WDPCP: variants seen among roughly 807,000 people sequenced by gnomAD.
WDPCP encodes WD repeat-containing and planar cell polarity effector protein fritz homolog.
Under a neutral mutation model 93.1 loss-of-function variants are expected in WDPCP, and 71 were observed. The observed-to-expected ratio is 0.76, with a 90% CI of 0.63 to 0.93. The LOEUF (loss-of-function observed/expected upper bound fraction) is 0.93, where lower values mean the gene tolerates loss of function less well. WDPCP is among the 40% of genes least tolerant of loss of function. The pLI, the probability that WDPCP is intolerant of heterozygous loss-of-function variation, is 0.00. For missense variants in WDPCP, 844 were observed against 887.4 expected (o/e 0.95, Z 0.62); for synonymous variants, 315 against 315.0 (o/e 1.00, Z 0.00).
At chr2:63,230,517 C>T (rs1275747782) in intron 14 of WDPCP, among the ~76,000 whole-genome samples, 3 of 152,160 alleles carry the variant, frequency 2.0e-5, no homozygotes, top group African/African-American at 7.2e-5. Context: ...GCCACACTGT[C>T]TTCCACAATG....
chr2:63,365,465 AAAGTT>A (rs1010066880), intron 12 of WDPCP, among the ~76,000 whole-genome samples: 51 of 152,324 alleles, frequency 3.3e-4, no homozygotes, highest in African/African-American at 1.1e-3. Flanking sequence ...TTTCCATGAC[AAAGTT>A]AAGAAAAGTG....
rs537972822 is a variant in WDPCP at position 63,588,325 on chromosome 2, A to G, written c.-54T>C. The G allele has an allele frequency of 9.1e-6, 14 of 1,546,452 alleles. No homozygotes were observed. The Admixed American group carries it at 1.9e-4, about 21-fold the overall frequency. On this transcript the variant is annotated 5_prime_UTR_variant, in exon 1 of 18. Coordinates refer to ENST00000272321, the MANE Select transcript of WDPCP (RefSeq NM_015910.7). ...CCTAGGCTAGGTCCTCGGACCCGAGAGGGAGCGACACGCTCGCTTGGTCTC... is the reference window on the plus strand; with the variant it reads ...CCTAGGCTAGGTCCTCGGACCCGAGGGGGAGCGACACGCTCGCTTGGTCTC...
intron 2 of WDPCP, among the ~76,000 whole-genome samples, chr2:63,655,290 C>A (rs1316414143): frequency 6.6e-6 from 1 of 152,062 alleles, no homozygotes; most frequent in Non-Finnish European, 1.5e-5. Context: ...TTCGTATTAC[C>A]CCCTTCCCTT....
At chr2:63,222,425 C>T (rs1265830793) in intron 14 of WDPCP, among the ~76,000 whole-genome samples, 1 of 152,158 alleles carries the variant, frequency 6.6e-6, no homozygotes, top group Non-Finnish European at 1.5e-5. Flanking sequence ...AATGTGGGAG[C>T]AAGGGCCTCT....
chr2:63,815,401 T>C (rs1232523544), intron 1 of WDPCP, among the ~76,000 whole-genome samples: 1 of 152,242 alleles, frequency 6.6e-6, no homozygotes, highest in African/African-American at 2.4e-5. Flanking sequence ...GCTGGAATTG[T>C]TCTACATTAG....
intron 1 of WDPCP, among the ~76,000 whole-genome samples, chr2:63,557,116 A>G (rs1167276307): frequency 1.3e-5 from 2 of 152,212 alleles, no homozygotes; most frequent in Non-Finnish European, 2.9e-5. Flanking sequence ...ACATGTCTGC[A>G]AAATAACTAG....
chr2:63,309,640 A>G (rs1686027017), intron 13 of WDPCP, among the ~76,000 whole-genome samples: 1 of 152,208 alleles, frequency 6.6e-6, no homozygotes, highest in African/African-American at 2.4e-5. Flanking sequence ...GTACAAATAC[A>G]AAATATTCTT....
At chr2:63,578,999 T>G (rs1708303122) in intron 1 of WDPCP, among the ~76,000 whole-genome samples, 2 of 152,184 alleles carry the variant, frequency 1.3e-5, no homozygotes, top group African/African-American at 4.8e-5. Context: ...TCTCTTATTA[T>G]CATGCATATC....
intron 14 of WDPCP, among the ~76,000 whole-genome samples, chr2:63,238,706 A>C (rs1456072457): frequency 6.6e-6 from 1 of 152,184 alleles, no homozygotes. Flanking sequence ...TTCTAGTCCA[A>C]ACCTAGGAAG....
chr2:63,576,877 A>G (rs1174398229), intron 1 of WDPCP, among the ~76,000 whole-genome samples: 1 of 152,246 alleles, frequency 6.6e-6, no homozygotes, highest in Non-Finnish European at 1.5e-5. Context: ...CATAAATGAT[A>G]TATAAATATC....
intron 1 of WDPCP, among the ~76,000 whole-genome samples, chr2:63,544,900 A>G (rs1247929093): frequency 6.6e-6 from 1 of 152,176 alleles, no homozygotes; most frequent in East Asian, 1.9e-4. Flanking sequence ...AATGTACCTG[A>G]TTATTACTAA....
Position 63,349,979 on chromosome 2 carries a change from T to C in WDPCP, c.1748+28407A>G, listed in dbSNP as rs149247472. Among the ~76,000 whole-genome samples the C allele has an allele frequency of 5.7e-3, 867 of 152,280 alleles. 8 individuals carry two copies. Among genetic ancestry groups the C allele is most frequent in the Middle Eastern group, 6.8e-3 (2 of 294 alleles). On this transcript the variant is annotated intron_variant, in intron 12 of 17. Coordinates refer to ENST00000272321, the MANE Select transcript of WDPCP (RefSeq NM_015910.7). Reference sequence around the variant, plus strand: ...GTATAGGATTTCCTCTCCTTAATACTGTGTGCTTCTCCGTATGTTTACTGC... The same window carrying C: ...GTATAGGATTTCCTCTCCTTAATACCGTGTGCTTCTCCGTATGTTTACTGC...
intron 12 of WDPCP, among the ~76,000 whole-genome samples, chr2:63,319,097 A>C (rs1686891779): frequency 6.6e-6 from 1 of 152,154 alleles, no homozygotes; most frequent in African/African-American, 2.4e-5. Flanking sequence ...AGGAAAAATA[A>C]GCATCAAGTC....
chr2:63,706,867 C>T (rs555432661), intron 2 of WDPCP, among the ~76,000 whole-genome samples: 55 of 152,130 alleles, frequency 3.6e-4, no homozygotes, highest in Non-Finnish European at 6.8e-4. Context: ...CCACCCGCCT[C>T]GGCCTCCCAA....
chr2:63,391,154 A>G (rs1026464663), intron 10 of WDPCP, among the ~76,000 whole-genome samples: 2 of 152,238 alleles, frequency 1.3e-5, no homozygotes, highest in African/African-American at 4.8e-5. Context: ...AAACACTGGC[A>G]AACCGAATCC....
intron 6 of WDPCP, among the ~76,000 whole-genome samples, chr2:63,474,768 T>C (rs925047992): frequency 6.6e-6 from 1 of 152,140 alleles, no homozygotes; most frequent in African/African-American, 2.4e-5. Flanking sequence ...AAAAAGAATA[T>C]ATGTAATGTA....
At chr2:63,124,239 G>T (rs1487956276) in intron 17 of WDPCP, among the ~76,000 whole-genome samples, 1 of 151,610 alleles carries the variant, frequency 6.6e-6, no homozygotes, top group Admixed American at 6.6e-5. Context: ...TTCCTAGTTT[G>T]GGAGGAGGTG....
intron 2 of WDPCP, among the ~76,000 whole-genome samples, chr2:63,812,648 G>A (rs1338281243): frequency 6.6e-6 from 1 of 152,056 alleles, no homozygotes; most frequent in Non-Finnish European, 1.5e-5. Flanking sequence ...ACCTTAAGCA[G>A]AAGACCCAGC....
intron 3 of WDPCP, among the ~76,000 whole-genome samples, chr2:63,633,354 G>A (rs563325529): frequency 6.6e-6 from 1 of 152,120 alleles, no homozygotes; most frequent in South Asian, 2.1e-4. Flanking sequence ...TAGTATAAAG[G>A]TTTAAAGACA....
Sources: gnomAD v4.1 joint callset for allele counts (sites outside exome capture counted in the v4.1 genomes callset) on GRCh38, gnomAD v4.1.1 for gene constraint, MANE v1.5 for transcripts, NCBI Gene and HGNC (gene_info 2026-07-23, HGNC 2026-07-21) for gene names.